Variants in SCAF8 observed in about 807,000 individuals in gnomAD.
The protein encoded by SCAF8 is SR-related and CTD-associated factor 8.
A neutral mutation model predicts 140.5 loss-of-function variants in SCAF8; 23 were observed. The ratio of observed to expected loss-of-function variants is 0.16; its 90% CI spans 0.12 to 0.23. SCAF8 has a LOEUF of 0.23. Ranked by LOEUF, SCAF8 falls within the 10% of genes least tolerant of loss-of-function variation. The pLI is 1.00. For synonymous variants in SCAF8, 575 were observed against 528.9 expected (o/e 1.09, Z -1.20); for missense variants, 1,397 against 1,555.7 (o/e 0.90, Z 1.72).
Position 154,773,927 on chromosome 6 carries a change from G to T in SCAF8, c.31-62G>T, listed in dbSNP as rs542109094. 6.6e-4 allele frequency: 653 copies of T among 991,320 alleles called. 5 individuals carry two copies. In the African/African-American group the frequency reaches 9.9e-3, roughly 15 times the overall value. The allele number at this position is 991,320 out of a possible 1,614,324, so 61.4% of individuals were successfully genotyped here. ...TGAGAATATAAAAATGAACATGTTT[G>T]GTAGTTTCATGTAATTGCTTGGAGA... is the stretch of plus-strand genomic sequence containing the variant. On this transcript the variant is annotated intron_variant, in intron 1 of 19. Transcript: ENST00000367178.
intron 4 of SCAF8, 43 bp downstream of exon 4, chr6:154,788,065 A>G: frequency 6.6e-7 from 1 of 1,505,176 alleles, no homozygotes; most frequent in Non-Finnish European, 9.0e-7. Context: ...AAAAGTAGAT[A>G]CAGTAGCCTC....
At chr6:154,825,202 G>A (rs559300166) in intron 17 of SCAF8, 1 of 152,120 alleles carries the variant, frequency 6.6e-6, no homozygotes, top group South Asian at 2.1e-4. Context: ...TCACAAATTT[G>A]TGTGTCATCC....
At chr6:154,782,605 A>G (rs1777117563) in intron 3 of SCAF8, among the ~76,000 whole-genome samples, 1 of 152,186 alleles carries the variant, frequency 6.6e-6, no homozygotes, top group South Asian at 2.1e-4. Flanking sequence ...TAGGGTATAC[A>G]TATATACAGG....
intron 17 of SCAF8, chr6:154,825,052 A>C (rs893135769): frequency 6.6e-6 from 1 of 152,186 alleles, no homozygotes; most frequent in Non-Finnish European, 1.5e-5. Flanking sequence ...TCAGCATTTC[A>C]TCAGAAAATT....
intron 2 of SCAF8, among the ~76,000 whole-genome samples, chr6:154,775,693 C>T (rs1776896720): frequency 6.6e-6 from 1 of 151,970 alleles, no homozygotes; most frequent in South Asian, 2.1e-4. Context: ...TCACTTGAAC[C>T]CAGGAATTTG....
At chr6:154,770,369 TACACAC>T (rs1226898910) in intron 1 of SCAF8, among the ~76,000 whole-genome samples, 2 of 146,364 alleles carry the variant, frequency 1.4e-5, no homozygotes, top group Non-Finnish European at 3.0e-5. Flanking sequence ...GAGGTTGAGG[TACACAC>T]ACACACACAC....
chr6:154,770,396 TCTCTCTCTCTCTC>T (rs1776710642), intron 1 of SCAF8, among the ~76,000 whole-genome samples: 1 of 41,740 alleles, frequency 2.4e-5, no homozygotes, highest in African/African-American at 1.5e-4. Context: ...ACACTCTCTC[TCTCTCTCTCTCTC>T]TCTCTCTCTC....
chr6:154,764,729 C>T (rs1387887392), intron 1 of SCAF8, among the ~76,000 whole-genome samples: 1 of 152,136 alleles, frequency 6.6e-6, no homozygotes, highest in Non-Finnish European at 1.5e-5. Context: ...CCATGGTCTT[C>T]TCACCCAAGC....
intron 13 of SCAF8, among the ~76,000 whole-genome samples, chr6:154,816,681 A>G (rs770811726): frequency 6.6e-6 from 1 of 152,052 alleles, no homozygotes. Flanking sequence ...TGTCTGTGGG[A>G]TCTTTTTATC....
At chr6:154,751,716 A>G (rs1778842583) in intron 1 of SCAF8, among the ~76,000 whole-genome samples, 1 of 152,152 alleles carries the variant, frequency 6.6e-6, no homozygotes, top group Admixed American at 6.5e-5. Flanking sequence ...CTATGGATTT[A>G]TTGAGTGTGA....
At chr6:154,808,538 A>C (rs563352948) in intron 10 of SCAF8, 148 bp from the exon 11 acceptor site, 16 of 594,430 alleles carry the variant, frequency 2.7e-5, no homozygotes, top group African/African-American at 5.6e-5. Flanking sequence ...TACTTCTTCT[A>C]ATGGGGCCCA....
Position 154,733,708 on chromosome 6 carries a change from G to A in SCAF8, c.-193G>A, listed in dbSNP as rs971082813. On this transcript the variant is annotated 5_prime_UTR_variant, in exon 1 of 20. Transcript: ENST00000367178. ...CCCCCGCCCTAGCGGCCATGCCGGTGCCGCTCTGCCGCTGAGGGAGCCCTT... is the reference window on the plus strand; with the variant it reads ...CCCCCGCCCTAGCGGCCATGCCGGTACCGCTCTGCCGCTGAGGGAGCCCTT... The A allele has an allele frequency of 1.5e-6, 2 of 1,316,780 alleles. No individual in the cohort carries two copies. The highest frequency in any genetic ancestry group is 2.1e-5 in the South Asian group (1 of 47,720). 81.6% of individuals were successfully genotyped at this position (1,316,780 alleles called of 1,614,324 possible). A position where few individuals can be genotyped will look rare whatever the true frequency, so the allele number is the denominator to read the frequency against.
chr6:154,782,009 AAT>A (rs1777100019), intron 3 of SCAF8, among the ~76,000 whole-genome samples: 1 of 152,140 alleles, frequency 6.6e-6, no homozygotes, highest in Admixed American at 6.5e-5. Context: ...ATTAACAGTA[AAT>A]ATGATTTCCT....
chr6:154,824,793 A>AG (rs1778516523), intron 17 of SCAF8: 1 of 154,304 alleles, frequency 6.5e-6, no homozygotes, highest in South Asian at 2.0e-4. Flanking sequence ...AAATACAAAA[A>AG]TTAGCTAGAC....
intron 1 of SCAF8, among the ~76,000 whole-genome samples, chr6:154,758,994 C>G (rs952068662): frequency 2.6e-5 from 4 of 152,246 alleles, no homozygotes; most frequent in Middle Eastern, 3.4e-3. Context: ...GCTAGGAGAT[C>G]ATAGATGATA....
chr6:154,805,485 A>G lies in SCAF8; in HGVS notation c.980A>G (p.Lys327Arg). ...CTCTTGGAGCAGCAACAGCCTCAAA[A>G]GGTTTATAACCCCATCTTGTGGTCT... ...QQLLEQQQPQ[K>R]ATPQDSQEGT... is the part of the protein sequence containing the mutation. Residue 327 changes from lysine (K) to arginine (R), a missense_variant and splice_region_variant, in exon 9 of 20, where the codon AAG (lysine) becomes AGG (arginine). Lys to Arg is a conservative substitution (Grantham distance 26, BLOSUM62 2). Coordinates refer to ENST00000367178, the MANE Select transcript of SCAF8 (RefSeq NM_014892.5). 6.3e-7 allele frequency: 1 copy of G among 1,576,310 alleles called. No homozygotes were observed. The highest frequency in any genetic ancestry group is 8.7e-7 in the Non-Finnish European group (1 of 1,147,808).
intron 2 of SCAF8, among the ~76,000 whole-genome samples, chr6:154,775,443 C>G (rs763044523): frequency 3.9e-5 from 6 of 152,120 alleles, no homozygotes; most frequent in Non-Finnish European, 8.8e-5. Flanking sequence ...GTAATTGATG[C>G]ACTTTTCATA....
intron 8 of SCAF8, among the ~76,000 whole-genome samples, chr6:154,804,509 GT>G (rs2114903247): frequency 6.6e-6 from 1 of 152,158 alleles, no homozygotes; most frequent in Non-Finnish European, 1.5e-5. Flanking sequence ...TTAACTAATT[GT>G]TATTATTGTG....
chr6:154,758,367 A>G (rs927969252), intron 1 of SCAF8, among the ~76,000 whole-genome samples: 2 of 152,172 alleles, frequency 1.3e-5, no homozygotes, highest in Non-Finnish European at 2.9e-5. Flanking sequence ...TTCCAGTGTC[A>G]GTTCAGTTCT....
Sources: gnomAD v4.1 joint callset for allele counts (sites outside exome capture counted in the v4.1 genomes callset) on GRCh38, gnomAD v4.1.1 for gene constraint, MANE v1.5 for transcripts, NCBI Gene and HGNC (gene_info 2026-07-23, HGNC 2026-07-21) for gene names.